Variants in PPP5C observed in about 807,000 individuals in gnomAD.
The protein encoded by PPP5C is protein phosphatase 5 catalytic subunit, also known as serine/threonine-protein phosphatase 5.
PPP5C carries 21 observed loss-of-function variants against 66.7 expected under a neutral mutation model. The observed-to-expected ratio is 0.31, with a 90% CI of 0.22 to 0.45. PPP5C has a LOEUF of 0.45. PPP5C is among the 20% of genes least tolerant of loss of function. The probability of loss-of-function intolerance (pLI) is 1.00; values close to 1 mark genes in which losing one functional copy is unlikely to be tolerated. For missense variants in PPP5C, 464 were observed against 675.9 expected (o/e 0.69, Z 3.48); for synonymous variants, 246 against 257.4 (o/e 0.96, Z 0.43).
intron 4 of PPP5C, among the ~76,000 whole-genome samples, chr19:46,377,114 C>A (rs192837834): frequency 2.4e-4 from 37 of 152,316 alleles, no homozygotes; most frequent in African/African-American, 8.2e-4. Context: ...AGATCCACCA[C>A]CTCCTGGGTT....
intron 1 of PPP5C, among the ~76,000 whole-genome samples, chr19:46,348,191 G>T (rs1052998938): frequency 6.6e-6 from 1 of 152,058 alleles, no homozygotes; most frequent in Non-Finnish European, 1.5e-5. Context: ...GGAATGAAAG[G>T]GTACTGGCAT....
Position 46,347,185 on chromosome 19 carries a change from A to G in PPP5C, c.89A>G (p.Glu30Gly). The change falls in exon 1 of 13, where the codon GAG becomes GGG. Residue 30 changes from glutamate to glycine, a missense_variant. By Grantham distance (98) the Glu-to-Gly change is moderately conservative. Around this residue, in one of 2 missense-constraint regions of PPP5C, gnomAD observed 77 missense variants for 49.9 expected, o/e 1.54. Transcript: ENST00000012443. ...PADGALKRAE[E>G]LKTQANDYFK... ...GATGGAGCTCTGAAGCGGGCAGAGG[A>G]GCTCAAGACTCAGGCCAATGACTAC... The G allele has an allele frequency of 6.2e-7, 1 of 1,606,640 alleles. No homozygotes were observed. Among genetic ancestry groups the G allele is most frequent in the Non-Finnish European group, 8.5e-7 (1 of 1,177,042 alleles).
chr19:46,364,383 A>C (rs572515680), intron 2 of PPP5C, among the ~76,000 whole-genome samples: 2 of 152,278 alleles, frequency 1.3e-5, no homozygotes, highest in East Asian at 3.9e-4. Flanking sequence ...TGGGAGACCG[A>C]GGCAGGAAGA....
chr19:46,352,711 T>TC (rs922755730), intron 1 of PPP5C, among the ~76,000 whole-genome samples: 14 of 151,246 alleles, frequency 9.3e-5, no homozygotes, highest in Non-Finnish European at 1.9e-4. Flanking sequence ...TCCCAGCTGC[T>TC]CGGGGGGCTA....
rs11879725 is a variant in PPP5C at position 46,387,611 on chromosome 19, C to T, written c.1135+158C>T. ...TCCTCACCTGCGACTTGGGCCAGTG[C>T]ACCTCCTTCATGGGGCTGTGATGGC... is the stretch of plus-strand genomic sequence containing the variant. On this transcript the variant is annotated intron_variant, in intron 9 of 12. Coordinates refer to ENST00000012443, the MANE Select transcript of PPP5C (RefSeq NM_006247.4). 143 of 1,536,380 alleles carry T rather than the reference C, an allele frequency of 9.3e-5. No individual in the cohort carries two copies. The African/African-American group carries it at 1.5e-3, about 16-fold the overall frequency.
Position 46,383,862 on chromosome 19 carries a change from C to T in PPP5C, c.782C>T (p.Ser261Leu), listed in dbSNP as rs1972837682. ...ATATTCGAGCTCAACGGTTTACCCTCGGAGACCAACCCCTATGTATCCTTC... is the reference window on the plus strand; with the variant it reads ...ATATTCGAGCTCAACGGTTTACCCTTGGAGACCAACCCCTATGTATCCTTC... Reference protein sequence around the residue: ...LNIFELNGLPSETNPYIFNGD... With the variant: ...LNIFELNGLPLETNPYIFNGD... Residue 261 changes from serine to leucine, a missense_variant, in exon 6 of 13, where the codon TCG becomes TTG. This residue lies in a region of PPP5C where 387 missense variants were observed against 626.0 expected (regional missense o/e 0.62). Transcript: ENST00000012443. This position sits in a 1 kb window ranked among gnomAD's most constrained non-coding sequence, Gnocchi z 5.0. 1 of 1,612,758 alleles carries T rather than the reference C, an allele frequency of 6.2e-7. No homozygotes were observed. The highest frequency in any genetic ancestry group is 8.5e-7 in the Non-Finnish European group (1 of 1,178,878).
intron 1 of PPP5C, among the ~76,000 whole-genome samples, chr19:46,352,357 G>A (rs529860932): frequency 9.9e-5 from 15 of 152,184 alleles, no homozygotes; most frequent in South Asian, 2.1e-4. Context: ...GTCCACAGGG[G>A]GTTCCTCAGT....
intron 2 of PPP5C, 76 bp downstream of exon 2, chr19:46,354,065 G>A (rs1047088846): frequency 6.5e-7 from 1 of 1,546,564 alleles, no homozygotes; most frequent in Admixed American, 1.9e-5. Flanking sequence ...GGACGGGTGT[G>A]AGGAGCCATT....
Position 46,383,389 on chromosome 19 carries a change from C to T in PPP5C, c.634-22C>T, listed in dbSNP as rs747909839. The T allele has an allele frequency of 1.2e-6, 2 of 1,607,280 alleles. No homozygotes were observed. The highest frequency in any genetic ancestry group is 1.7e-6 in the Non-Finnish European group (2 of 1,177,110). On this transcript the variant is annotated intron_variant, in intron 4 of 12. Transcript: ENST00000012443. This position sits in a 1 kb window ranked among gnomAD's most constrained non-coding sequence, Gnocchi z 5.0. ...GCAGCAGCCCCTGCAGCCGGTCCCA[C>T]TGAGTCTGCCCTGCCTTCCAGATTC...
chr19:46,389,602 G>A (rs1290531208), intron 11 of PPP5C, among the ~76,000 whole-genome samples: 2 of 151,926 alleles, frequency 1.3e-5, no homozygotes, highest in Non-Finnish European at 2.9e-5. Context: ...TGAGTTCCCT[G>A]TCTCTCCCCA....
rs543684678 is a variant in PPP5C at position 46,375,794 on chromosome 19, C to T, written c.511+43C>T. On this transcript the variant is annotated intron_variant, in intron 3 of 12. Coordinates refer to ENST00000012443, the MANE Select transcript of PPP5C (RefSeq NM_006247.4). ...GCTCCACGCTCCAGCCCAGAACATT[C>T]CACACGGGCCTTCTCCATTCCCTGG... 325 of 1,538,650 alleles carry T rather than the reference C, an allele frequency of 2.1e-4. 1 individual carries two copies. In the Admixed American group the frequency reaches 6.3e-3, roughly 30 times the overall value.
intron 2 of PPP5C, among the ~76,000 whole-genome samples, chr19:46,369,792 G>A (rs960997829): frequency 3.9e-5 from 6 of 151,918 alleles, no homozygotes; most frequent in African/African-American, 1.5e-4. Context: ...CAGGCGTGGT[G>A]GCATGCTCCT....
intron 2 of PPP5C, among the ~76,000 whole-genome samples, chr19:46,374,090 T>G (rs1023224809): frequency 6.6e-6 from 1 of 152,048 alleles, no homozygotes; most frequent in Non-Finnish European, 1.5e-5. Context: ...GGCACTGTCT[T>G]CCTCCCCTGC....
intron 6 of PPP5C, 129 bp from the exon 7 acceptor site, chr19:46,384,675 G>T: frequency 5.8e-6 from 4 of 686,178 alleles, no homozygotes; most frequent in Non-Finnish European, 1.1e-5. Context: ...TCACTCCCTG[G>T]GAGGTGCTGA....
intron 2 of PPP5C, among the ~76,000 whole-genome samples, chr19:46,361,287 G>A (rs1217164691): frequency 6.6e-6 from 1 of 150,956 alleles, no homozygotes. Flanking sequence ...CTGCTACCAC[G>A]CCCAGCGTAT....
rs770377694 is a variant in PPP5C, at chr19:46,375,556, G to A, written c.364-48G>A. 6 of 1,605,312 alleles carry A rather than the reference G, an allele frequency of 3.7e-6. No homozygotes were observed. The Admixed American group carries it at 8.4e-5, about 23-fold the overall frequency. Reference sequence around the variant, plus strand: ...GCTGGGCAGCCTGGGGGCAACCGCTGTGCCCCCACCTCAGCCTCAGTGTGC... The same window carrying A: ...GCTGGGCAGCCTGGGGGCAACCGCTATGCCCCCACCTCAGCCTCAGTGTGC... On this transcript the variant is annotated intron_variant, in intron 2 of 12. Coordinates refer to ENST00000012443, the MANE Select transcript of PPP5C (RefSeq NM_006247.4).
chr19:46,383,533 G>C lies in PPP5C; in HGVS notation c.699+57G>C. 6.7e-7 allele frequency: 1 copy of C among 1,495,404 alleles called. No homozygotes were observed. Among genetic ancestry groups the C allele is most frequent in the Non-Finnish European group, 9.1e-7 (1 of 1,098,926 alleles). The allele number at this position is 1,495,404 out of a possible 1,614,324, so 92.6% of individuals were successfully genotyped here. On this transcript the variant is annotated intron_variant, in intron 5 of 12. Transcript: ENST00000012443. The surrounding 1 kb of genome is among the most constrained non-coding windows in gnomAD (Gnocchi z 5.0). The stretch of plus-strand genomic sequence containing the variant: ...AGCGGGGGTGGGCTCTCTGGCTGGG[G>C]AGGGGCCACAGAGCTCAGGAACTCA...
intron 2 of PPP5C, among the ~76,000 whole-genome samples, chr19:46,359,557 T>C (rs746554042): frequency 1.6e-4 from 24 of 152,124 alleles, no homozygotes; most frequent in Non-Finnish European, 2.8e-4. Flanking sequence ...AAAACAGTGG[T>C]CAGGGCTAGA....
chr19:46,387,021 T>C (rs1972901154), intron 7 of PPP5C, 72 bp from the exon 8 acceptor site: 2 of 1,607,932 alleles, frequency 1.2e-6, no homozygotes, highest in Non-Finnish European at 1.7e-6. Flanking sequence ...TTCTGGGCCT[T>C]GAGGGTGCCA....
Sources: gnomAD v4.1 joint callset for allele counts (sites outside exome capture counted in the v4.1 genomes callset) on GRCh38, gnomAD v4.1.1 for gene constraint, gnomAD v4.1.1 regional missense constraint, Gnocchi (gnomAD v3.1) non-coding constraint, MANE v1.5 for transcripts, NCBI Gene and HGNC (gene_info 2026-07-23, HGNC 2026-07-21) for gene names.